BRSK1: variants seen among roughly 807,000 people sequenced by gnomAD.
BRSK1 encodes the protein serine/threonine-protein kinase BRSK1.
A neutral mutation model predicts 86.2 loss-of-function variants in BRSK1; 17 were observed. That is an observed-to-expected ratio of 0.20 (90% CI 0.14 to 0.30). BRSK1 has a LOEUF of 0.30. Ranked by LOEUF, BRSK1 falls within the 10% of genes least tolerant of loss-of-function variation. The pLI is 1.00. For synonymous variants in BRSK1, 464 were observed against 440.1 expected, an observed-to-expected ratio of 1.05 and a Z score of -0.68; for missense variants, 719 against 1,071.9, an observed-to-expected ratio of 0.67 and a Z score of 4.60.
At position 55,287,179 on chromosome 19, in the gene BRSK1, TC is replaced by T. The variant is rs2088331349; in HGVS notation, c.232-34del. The T allele has an allele frequency of 3.7e-6, 6 of 1,613,550 alleles. No individual in the cohort carries two copies. In the East Asian group the frequency reaches 1.3e-4, roughly 36 times the overall value. ...GGGCAGGGGCGGGGCCGTGCTGACC[TC>T]TTTTCCCGTGTCCCCACCCCTCTTG... is the stretch of plus-strand genomic sequence containing the variant. On this transcript the variant is annotated intron_variant, in intron 2 of 18. Transcript: ENST00000309383. The surrounding 1 kb of genome is among the most constrained non-coding windows in gnomAD (Gnocchi z 5.3).
chr19:55,302,222 C>T lies in BRSK1; in HGVS notation c.857+54C>T, dbSNP rs2088582107. The T allele has an allele frequency of 2.0e-6, 3 of 1,535,984 alleles. No individual in the cohort carries two copies. In the South Asian group the frequency reaches 3.3e-5, roughly 17 times the overall value. ...TCCCTGGCGGAAATAGGGGAGGGGCCAAAGCAGTAGAAGCGGCTGGGAGGG... is the reference window on the plus strand; with the variant it reads ...TCCCTGGCGGAAATAGGGGAGGGGCTAAAGCAGTAGAAGCGGCTGGGAGGG... On this transcript the variant is annotated intron_variant, in intron 9 of 18. Transcript: ENST00000309383. This position sits in a 1 kb window ranked among gnomAD's most constrained non-coding sequence, Gnocchi z 6.3.
Position 55,302,176 on chromosome 19 carries a change from T to TGG in BRSK1, c.857+11_857+12dup, listed in dbSNP as rs2088580887. 2 of 1,611,960 alleles carry TGG rather than the reference T, an allele frequency of 1.2e-6. No individual in the cohort carries two copies. The highest frequency in any genetic ancestry group is 1.7e-6 in the Non-Finnish European group (2 of 1,179,162). On this transcript the variant is annotated intron_variant, in intron 9 of 18. Transcript: ENST00000309383. The surrounding 1 kb of genome is among the most constrained non-coding windows in gnomAD (Gnocchi z 6.3). ...GAAACATCCTTGGTACCTGTGAGTA[T>TGG]GGGGTAACTGGACTCTTGGGTCCCT...
In BRSK1 at chr19:55,303,067, G is replaced by A; in HGVS notation, c.1028+200G>A. On this transcript the variant is annotated intron_variant, in intron 10 of 18. Transcript: ENST00000309383. This position sits in a 1 kb window ranked among gnomAD's most constrained non-coding sequence, Gnocchi z 5.1. ...AAGTATTAATAGATGCTGCGACATA[G>A]TACTTACATATACATAGTACTTACA... 1 of 669,672 alleles carries A rather than the reference G, an allele frequency of 1.5e-6. No homozygotes were observed. Among genetic ancestry groups the A allele is most frequent in the East Asian group, 2.7e-5 (1 of 36,540 alleles). 41.5% of individuals were successfully genotyped at this position (669,672 alleles called of 1,614,324 possible).
At chr19:55,309,847 G>A (rs1048577607) in intron 18 of BRSK1, among the ~76,000 whole-genome samples, 2 of 152,198 alleles carry the variant, frequency 1.3e-5, no homozygotes, top group African/African-American at 4.8e-5. Context: ...GAGACACGGG[G>A]TCACAGGGGA....
At position 55,312,116 on chromosome 19, in the gene BRSK1, T is replaced by G; in HGVS notation, c.*48T>G. Reference sequence around the variant, plus strand: ...GGGACCCCCCTCCACCCCCCTTCCGTGCCCCCCAACTGTGAATCTGTAAAT... The same window carrying G: ...GGGACCCCCCTCCACCCCCCTTCCGGGCCCCCCAACTGTGAATCTGTAAAT... On this transcript the variant is annotated 3_prime_UTR_variant, in exon 19 of 19. Transcript: ENST00000309383. The G allele has an allele frequency of 3.8e-6, 3 of 781,008 alleles. No individual in the cohort carries two copies. Among genetic ancestry groups the G allele is most frequent in the Non-Finnish European group, 3.9e-6 (2 of 508,174 alleles). 48.4% of individuals were successfully genotyped at this position (781,008 alleles called of 1,614,324 possible).
chr19:55,294,294 G>A lies in BRSK1; in HGVS notation c.610-35G>A. 6.2e-7 allele frequency: 1 copy of A among 1,614,158 alleles called. No homozygotes were observed. Among genetic ancestry groups the A allele is most frequent in the Non-Finnish European group, 8.5e-7 (1 of 1,180,032 alleles). ...GGGAGAGGGGTGGAGGCAGCAGTGA[G>A]GAGCGATGAAGTCACAACTGGCCTT... is the stretch of plus-strand genomic sequence containing the variant. On this transcript the variant is annotated intron_variant, in intron 6 of 18. Coordinates refer to ENST00000309383, the MANE Select transcript of BRSK1 (RefSeq NM_032430.2). The surrounding 1 kb of genome is among the most constrained non-coding windows in gnomAD (Gnocchi z 4.9).
At position 55,303,033 on chromosome 19, in the gene BRSK1, A is replaced by C. The variant is rs536845893; in HGVS notation, c.1028+166A>C. The C allele has an allele frequency of 5.2e-5, 43 of 823,846 alleles. No individual in the cohort carries two copies. The Admixed American group carries it at 1.1e-3, about 21-fold the overall frequency. 51.0% of individuals were successfully genotyped at this position (823,846 alleles called of 1,614,324 possible). On this transcript the variant is annotated intron_variant, in intron 10 of 18. Transcript: ENST00000309383. The surrounding 1 kb of genome is among the most constrained non-coding windows in gnomAD (Gnocchi z 5.1). ...CCAGCGGAGAAAACGGCCCAGAAAC[A>C]CGCTGAGAAAGTATTAATAGATGCT...
Position 55,290,365 on chromosome 19 carries a change from A to G in BRSK1, c.458+745A>G, listed in dbSNP as rs150400883. On this transcript the variant is annotated intron_variant, in intron 4 of 18. Transcript: ENST00000309383. ...GTCTTTTTATTATTGATTTGTAACA[A>G]TTTTTTATTCTAGGAACAAGAGATT... Among the ~76,000 whole-genome samples the G allele has an allele frequency of 3.9e-3, 589 of 152,184 alleles. 18 individuals are homozygous for G. In the East Asian group the frequency reaches 0.059, roughly 15 times the overall value.
chr19:55,298,373 TG>T (rs2088521870), intron 7 of BRSK1, among the ~76,000 whole-genome samples: 1 of 151,936 alleles, frequency 6.6e-6, no homozygotes, highest in African/African-American at 2.4e-5. Context: ...GGTTTCACCA[TG>T]TTGGCCAGGC....
At position 55,284,032 on chromosome 19, in the gene BRSK1, A is replaced by G. The variant is rs1600165284; in HGVS notation, c.-411A>G. 1 of 1,106,932 alleles carries G rather than the reference A, an allele frequency of 9.0e-7. No homozygotes were observed. Among genetic ancestry groups the G allele is most frequent in the Non-Finnish European group, 1.1e-6 (1 of 914,830 alleles). 68.6% of individuals were successfully genotyped at this position (1,106,932 alleles called of 1,614,324 possible). A position where few individuals can be genotyped will look rare whatever the true frequency, so the allele number is the denominator to read the frequency against. ...GTCAGCGTGCCGGAGAGAAAGGACG[A>G]GGTGGCGGGGGGAGGCGGAGAGGAG... On this transcript the variant is annotated 5_prime_UTR_variant, in exon 1 of 19. Coordinates refer to ENST00000309383, the MANE Select transcript of BRSK1 (RefSeq NM_032430.2).
At chr19:55,286,055 C>T (rs1177614790) in intron 1 of BRSK1, among the ~76,000 whole-genome samples, 1 of 85,432 alleles carries the variant, frequency 1.2e-5, no homozygotes, top group Admixed American at 1.4e-4. Flanking sequence ...GTCTGGAGTG[C>T]TGGGTCTGAG....
intron 4 of BRSK1, among the ~76,000 whole-genome samples, chr19:55,293,140 A>T (rs2088433598): frequency 6.6e-6 from 1 of 151,822 alleles, no homozygotes. Flanking sequence ...CAGGCGGATC[A>T]CCTGAGGTCA....
chr19:55,301,399 C>A, intron 7 of BRSK1, 113 bp from the exon 8 acceptor site: 2 of 1,324,798 alleles, frequency 1.5e-6, no homozygotes, highest in Non-Finnish European at 2.0e-6. Context: ...CTGAGCCTCT[C>A]TGTGCCTCAG....
chr19:55,286,589 A>T (rs1423627728), intron 1 of BRSK1, among the ~76,000 whole-genome samples: 2 of 150,772 alleles, frequency 1.3e-5, no homozygotes, highest in East Asian at 3.9e-4. Context: ...GTTGGGAGTC[A>T]TAGGGTCTCC....
At chr19:55,299,776 T>C (rs1456273614) in intron 7 of BRSK1, among the ~76,000 whole-genome samples, 1 of 152,114 alleles carries the variant, frequency 6.6e-6, no homozygotes, top group Non-Finnish European at 1.5e-5. Flanking sequence ...GCTCTGTGCT[T>C]GAGCATCAGG....
At position 55,302,698 on chromosome 19, in the gene BRSK1, G is replaced by A. The variant is rs746696435; in HGVS notation, c.859G>A (p.Gly287Ser). The A allele has an allele frequency of 6.2e-7, 1 of 1,603,294 alleles. No homozygotes were observed. The highest frequency in any genetic ancestry group is 1.3e-5 in the African/African-American group (1 of 74,634). Residue 287 changes from glycine to serine, a missense_variant and splice_region_variant, in exon 10 of 19, where the codon GGC (glycine) becomes AGC (serine). This residue lies in a region of BRSK1 where 75 missense variants were observed against 281.0 expected (regional missense o/e 0.27). Transcript: ENST00000309383. This position sits in a 1 kb window ranked among gnomAD's most constrained non-coding sequence, Gnocchi z 6.3. ...EQIQKHPWYLGGKHEPDPCLE... is the reference protein window; with the variant it reads ...EQIQKHPWYLSGKHEPDPCLE... ...AATAATGTTTCTCCACTTCCCCAGA[G>A]GCGGGAAACACGAGCCAGACCCGTG...
chr19:55,286,238 C>T (rs1471934984), intron 1 of BRSK1, among the ~76,000 whole-genome samples: 1 of 98,546 alleles, frequency 1.0e-5, no homozygotes, highest in Admixed American at 1.0e-4. Context: ...GGGGCCTGGA[C>T]TCCTGGGTCT....
chr19:55,298,344 G>C (rs2048140182), intron 7 of BRSK1, among the ~76,000 whole-genome samples: 1 of 142,288 alleles, frequency 7.0e-6, no homozygotes, highest in Non-Finnish European at 1.5e-5. Flanking sequence ...GCTAATTTTT[G>C]TATTTTTAGT....
In BRSK1 at chr19:55,303,396, C is replaced by G. The variant is rs1441460108; in HGVS notation, c.1114C>G (p.Arg372Gly). 1 of 1,613,802 alleles carries G rather than the reference C, an allele frequency of 6.2e-7. No individual in the cohort carries two copies. The highest frequency in any genetic ancestry group is 1.7e-5 in the Admixed American group (1 of 60,014). ...CTGTGAGGACCAGGACCTGCCTCCCCGGAATGATGTTGGTGAGAAGGCAGG... is the reference window on the plus strand; with the variant it reads ...CTGTGAGGACCAGGACCTGCCTCCCGGGAATGATGTTGGTGAGAAGGCAGG... ...PSCEDQDLPP[R>G]NDVDPPRKRV... The change falls in exon 11 of 19, where the codon CGG (arginine) becomes GGG (glycine). Residue 372 changes from arginine to glycine, a missense_variant. Physicochemically the swap from Arg to Gly is moderately radical, Grantham distance 125. Around this residue, in one of 6 missense-constraint regions of BRSK1, gnomAD observed 168 missense variants for 246.3 expected, o/e 0.68. Coordinates refer to ENST00000309383, the MANE Select transcript of BRSK1 (RefSeq NM_032430.2). This position sits in a 1 kb window ranked among gnomAD's most constrained non-coding sequence, Gnocchi z 5.1.
Sources: allele counts gnomAD v4.1 joint callset (sites outside exome capture counted in the v4.1 genomes callset), GRCh38; gene constraint gnomAD v4.1.1; regional missense constraint gnomAD v4.1.1; non-coding constraint Gnocchi (gnomAD v3.1); transcripts MANE v1.5; gene names NCBI Gene and HGNC (gene_info 2026-07-23, HGNC 2026-07-21).